JAKMIP3: variants seen among roughly 807,000 people sequenced by gnomAD.
JAKMIP3 encodes the protein janus kinase and microtubule-interacting protein 3.
A neutral mutation model predicts 118.5 loss-of-function variants in JAKMIP3; 58 were observed. The observed-to-expected ratio is 0.49, with a 90% CI of 0.40 to 0.61. The LOEUF (loss-of-function observed/expected upper bound fraction) is 0.61. Among genes scored for constraint, JAKMIP3 ranks in the 20% least tolerant of loss-of-function variants. The pLI is 0.00. For synonymous variants in JAKMIP3, 486 were observed against 451.2 expected, an observed-to-expected ratio of 1.08 and a Z score of -0.98; for missense variants, 950 against 1,109.0, an observed-to-expected ratio of 0.86 and a Z score of 2.04.
At chr10:132,109,111 C>CATAT (rs2046432829) in intron 2 of JAKMIP3, among the ~76,000 whole-genome samples, 3 of 142,154 alleles carry the variant, frequency 2.1e-5, no homozygotes, top group South Asian at 4.7e-4. Flanking sequence ...TATACACACA[C>CATAT]ACATATATAT....
rs1162901853 is a variant in JAKMIP3 at position 132,044,220 on chromosome 10, C to T, written c.-138+7482C>T. Among the ~76,000 whole-genome samples, 2 of 152,220 alleles carry T rather than the reference C, an allele frequency of 1.3e-5. No individual in the cohort carries two copies. ...AGGTGGCTCGCCACAGCTCCTGCTC[C>T]AGTGCCCTTAGCAAACATTTCCTAG... On this transcript the variant is annotated intron_variant, in intron 1 of 23. Coordinates refer to the JAKMIP3 transcript ENST00000657785. This position sits in a 1 kb window ranked among gnomAD's most constrained non-coding sequence, Gnocchi z 5.3.
chr10:132,108,517 A>G (rs1294964637), intron 2 of JAKMIP3, among the ~76,000 whole-genome samples: 1 of 152,060 alleles, frequency 6.6e-6, no homozygotes, highest in Non-Finnish European at 1.5e-5. Context: ...GGAGCCTCAG[A>G]CAAGAGAGGG....
chr10:132,120,785 G>T (rs1026769270), intron 3 of JAKMIP3, among the ~76,000 whole-genome samples: 1 of 152,188 alleles, frequency 6.6e-6, no homozygotes, highest in Admixed American at 6.5e-5. Flanking sequence ...CTCTTTTAAG[G>T]CCGTCATTTA....
intron 1 of JAKMIP3, among the ~76,000 whole-genome samples, chr10:132,095,981 T>C (rs1034053278): frequency 6.6e-6 from 1 of 152,084 alleles, no homozygotes; most frequent in African/African-American, 2.4e-5. Context: ...CCCATGCTGC[T>C]GTTAGGGAGA....
chr10:132,084,421 T>A (rs2042136954), intron 1 of JAKMIP3, among the ~76,000 whole-genome samples: 1 of 152,242 alleles, frequency 6.6e-6, no homozygotes, highest in Admixed American at 6.5e-5. Context: ...ATTTTATCAG[T>A]TCTAGGAGCT....
chr10:132,056,964 C>T lies in JAKMIP3; in HGVS notation c.-138+20226C>T, dbSNP rs150449103. On this transcript the variant is annotated intron_variant, in intron 1 of 23. Transcript: ENST00000657785. ...GGGTTCCAGGTCCTGCCCTGGGGTC[C>T]GGATTCTACCCTGGGTTCTAGATCC... 5.3e-3 allele frequency among the ~76,000 whole-genome samples: 800 copies of T among 152,270 alleles called. 13 individuals carry two copies. The highest frequency in any genetic ancestry group is 0.018 in the African/African-American group (752 of 41,546).
At chr10:132,089,040 G>A (rs2042778241) in intron 1 of JAKMIP3, among the ~76,000 whole-genome samples, 1 of 152,078 alleles carries the variant, frequency 6.6e-6, no homozygotes, top group South Asian at 2.1e-4. Context: ...TTATTTCTGA[G>A]GGCTCTGTTC....
intron 1 of JAKMIP3, among the ~76,000 whole-genome samples, chr10:132,041,527 C>T (rs1257392516): frequency 1.3e-5 from 2 of 152,238 alleles, no homozygotes; most frequent in Non-Finnish European, 2.9e-5. Flanking sequence ...TGTCCCCACG[C>T]CCTAGGAGGT....
intron 23 of JAKMIP3, among the ~76,000 whole-genome samples, chr10:132,172,013 T>C (rs1424359618): frequency 6.6e-6 from 1 of 152,230 alleles, no homozygotes; most frequent in South Asian, 2.1e-4. Flanking sequence ...ACACCCTGGG[T>C]TCTGGTTTCT....
upstream of JAKMIP3, among the ~76,000 whole-genome samples, chr10:132,061,169 GCACA>G (rs1405498102): frequency 1.6e-5 from 2 of 121,430 alleles, no homozygotes; most frequent in African/African-American, 5.7e-5. Flanking sequence ...GGTATCAATA[GCACA>G]CACACACCTG....
upstream of JAKMIP3, among the ~76,000 whole-genome samples, chr10:132,062,925 G>A (rs2038447116): frequency 6.6e-6 from 1 of 152,194 alleles, no homozygotes; most frequent in African/African-American, 2.4e-5. Context: ...AATAACTGGT[G>A]AATGGCTGTG....
intron 1 of JAKMIP3, among the ~76,000 whole-genome samples, chr10:132,037,781 C>G (rs1384329106): frequency 6.6e-6 from 1 of 152,214 alleles, no homozygotes; most frequent in Non-Finnish European, 1.5e-5. Context: ...GGAGGAAGAG[C>G]CTGGCCAAGC....
chr10:132,043,709 C>CGAG (rs2037827048), intron 1 of JAKMIP3, among the ~76,000 whole-genome samples: 2 of 152,156 alleles, frequency 1.3e-5, no homozygotes, highest in Admixed American at 1.3e-4. Context: ...CACAGCATGA[C>CGAG]GAGGAGGGCT....
At chr10:132,089,182 G>A (rs2134372428) in intron 1 of JAKMIP3, among the ~76,000 whole-genome samples, 1 of 150,194 alleles carries the variant, frequency 6.7e-6, no homozygotes, top group East Asian at 2.1e-4. Flanking sequence ...GGTTGTCTTG[G>A]CAATGCGGGC....
chr10:132,050,685 T>C (rs146428706), intron 1 of JAKMIP3, among the ~76,000 whole-genome samples: 160 of 152,324 alleles, frequency 1.1e-3, no homozygotes, highest in African/African-American at 3.7e-3. Context: ...ACCCTGATCA[T>C]TCCCATACAA....
At chr10:132,042,812 C>G (rs1325437000) in intron 1 of JAKMIP3, among the ~76,000 whole-genome samples, 4 of 152,076 alleles carry the variant, frequency 2.6e-5, no homozygotes, top group Non-Finnish European at 4.4e-5. Flanking sequence ...TTTGTATCAG[C>G]TTTACTTGGC....
At chr10:132,107,248 C>A (rs908943310) in intron 2 of JAKMIP3, among the ~76,000 whole-genome samples, 2 of 152,136 alleles carry the variant, frequency 1.3e-5, no homozygotes, top group African/African-American at 4.8e-5. Flanking sequence ...AGGTTTAGTC[C>A]CCAGTTCTCT....
At chr10:132,132,340 C>T (rs1435424710) in intron 3 of JAKMIP3, among the ~76,000 whole-genome samples, 1 of 152,150 alleles carries the variant, frequency 6.6e-6, no homozygotes, top group African/African-American at 2.4e-5. Context: ...AAGACCTTGT[C>T]TTTTCATAAA....
chr10:132,153,218 G>A (rs2056539331), intron 17 of JAKMIP3, among the ~76,000 whole-genome samples, 195 bp downstream of exon 17: 1 of 152,254 alleles, frequency 6.6e-6, no homozygotes, highest in Non-Finnish European at 1.5e-5. Flanking sequence ...GCAAAGGACA[G>A]ATTCGGCTCC....
Sources: gnomAD v4.1 joint callset for allele counts (sites outside exome capture counted in the v4.1 genomes callset) on GRCh38, gnomAD v4.1.1 for gene constraint, Gnocchi (gnomAD v3.1) non-coding constraint, MANE v1.5 for transcripts, NCBI Gene and HGNC (gene_info 2026-07-23, HGNC 2026-07-21) for gene names.